WDR7: variants seen among roughly 807,000 people sequenced by gnomAD.
The protein encoded by WDR7 is WD repeat-containing protein 7.
A neutral mutation model predicts 169.4 loss-of-function variants in WDR7; 46 were observed. The ratio of observed to expected loss-of-function variants is 0.27; its 90% CI spans 0.21 to 0.35. The LOEUF (loss-of-function observed/expected upper bound fraction) is 0.35, where lower values mean the gene tolerates loss of function less well. Ranked by LOEUF, WDR7 falls within the 10% of genes least tolerant of loss-of-function variation. The pLI is 1.00. For missense variants in WDR7, 1,534 were observed against 1,859.3 expected, an observed-to-expected ratio of 0.83 and a Z score of 3.22; for synonymous variants, 612 against 666.8, an observed-to-expected ratio of 0.92 and a Z score of 1.27.
At chr18:56,776,548 A>G (rs1268503432) in intron 16 of WDR7, among the ~76,000 whole-genome samples, 1 of 152,158 alleles carries the variant, frequency 6.6e-6, no homozygotes, top group Admixed American at 6.5e-5. Context: ...TCAGAATATT[A>G]GATTTTGACT....
chr18:57,022,851 T>G (rs984082459), intron 27 of WDR7, among the ~76,000 whole-genome samples: 4 of 152,262 alleles, frequency 2.6e-5, no homozygotes, highest in Non-Finnish European at 5.9e-5. Context: ...TGCTGTTGAC[T>G]CTGGGCTTTG....
At chr18:56,812,074 T>C (rs2044878569) in intron 19 of WDR7, among the ~76,000 whole-genome samples, 1 of 152,206 alleles carries the variant, frequency 6.6e-6, no homozygotes, top group Non-Finnish European at 1.5e-5. Context: ...TCTTTCCTGT[T>C]TTGAATCTTC....
intron 21 of WDR7, among the ~76,000 whole-genome samples, chr18:56,884,614 C>T (rs1035049931): frequency 6.6e-6 from 1 of 152,194 alleles, no homozygotes; most frequent in African/African-American, 2.4e-5. Context: ...ACCACACTCC[C>T]ATCCCCCACC....
chr18:56,908,179 C>T (rs952952894), intron 21 of WDR7, among the ~76,000 whole-genome samples: 1 of 152,074 alleles, frequency 6.6e-6, no homozygotes, highest in African/African-American at 2.4e-5. Context: ...CCACAGACTT[C>T]GAGAGGAAGA....
At chr18:56,761,101 C>G (rs561747450) in intron 16 of WDR7, among the ~76,000 whole-genome samples, 1 of 152,306 alleles carries the variant, frequency 6.6e-6, no homozygotes, top group South Asian at 2.1e-4. Context: ...CCTCCACCTG[C>G]CAGGCTCAAG....
At chr18:56,803,319 T>A (rs1444688645) in intron 19 of WDR7, among the ~76,000 whole-genome samples, 5 of 152,222 alleles carry the variant, frequency 3.3e-5, no homozygotes. Context: ...CAGATTCTTG[T>A]GTATTTATTT....
intron 26 of WDR7, among the ~76,000 whole-genome samples, chr18:56,997,042 T>C (rs1399748365): frequency 2.6e-5 from 4 of 152,188 alleles, no homozygotes; most frequent in Admixed American, 6.5e-5. Context: ...ATCATATGAA[T>C]TTACTGTTAG....
At chr18:57,032,233 T>C (rs1287136623), downstream of WDR7, 1 of 144,636 alleles carries the variant, frequency 6.9e-6, no homozygotes, top group African/African-American at 2.9e-5. Flanking sequence ...GGGGTGACTT[T>C]GAGTTTCTTA....
chr18:56,879,855 C>A, intron 20 of WDR7, 89 bp from the exon 21 acceptor site: 1 of 1,048,214 alleles, frequency 9.5e-7, no homozygotes, highest in Non-Finnish European at 1.4e-6. Context: ...CTATTCTTTC[C>A]GAACGTGCAG....
intron 21 of WDR7, among the ~76,000 whole-genome samples, chr18:56,914,210 C>T (rs552658247): frequency 6.6e-6 from 1 of 152,216 alleles, no homozygotes; most frequent in Non-Finnish European, 1.5e-5. Flanking sequence ...CCCACAGATA[C>T]TCACACGATT....
intron 1 of WDR7, among the ~76,000 whole-genome samples, chr18:56,667,771 G>A (rs2025054671): frequency 6.6e-6 from 1 of 152,080 alleles, no homozygotes; most frequent in African/African-American, 2.4e-5. Context: ...TGAAAATCAA[G>A]TCTTATCTAT....
chr18:56,830,447 T>C lies in WDR7; in HGVS notation c.3304+14303T>C, dbSNP rs2045288446. Among the ~76,000 whole-genome samples, 2 of 152,176 alleles carry C rather than the reference T, an allele frequency of 1.3e-5. 1 individual carries two copies. The highest frequency in any genetic ancestry group is 4.8e-5 in the African/African-American group (2 of 41,452). ...TATTTTCTCATGATGAATTTATCAA[T>C]TGACTTAGGAATTAGGGAAGAGGAC... On this transcript the variant is annotated intron_variant, in intron 20 of 27. Transcript: ENST00000254442.
intron 16 of WDR7, among the ~76,000 whole-genome samples, chr18:56,772,020 C>T (rs1436499182): frequency 1.5e-5 from 2 of 135,932 alleles, no homozygotes; most frequent in African/African-American, 2.8e-5. Flanking sequence ...GTGATCACAC[C>T]ACTACACTCC....
intron 26 of WDR7, among the ~76,000 whole-genome samples, chr18:56,969,632 A>G (rs1333116685): frequency 3.3e-5 from 5 of 152,210 alleles, no homozygotes; most frequent in Non-Finnish European, 7.3e-5. Context: ...AAAATGCTGA[A>G]GACAGTCCAC....
chr18:56,864,501 A>G (rs2045854060), intron 20 of WDR7, among the ~76,000 whole-genome samples: 1 of 151,806 alleles, frequency 6.6e-6, no homozygotes, highest in Non-Finnish European at 1.5e-5. Flanking sequence ...GGAGAGGATT[A>G]GTATAATAGC....
intron 26 of WDR7, among the ~76,000 whole-genome samples, chr18:56,978,307 TA>T (rs2047595556): frequency 6.6e-6 from 1 of 152,214 alleles, no homozygotes; most frequent in African/African-American, 2.4e-5. Context: ...GACAATTTTT[TA>T]AAAAACCTGT....
At chr18:56,812,286 T>C (rs994151779) in intron 19 of WDR7, among the ~76,000 whole-genome samples, 1 of 152,246 alleles carries the variant, frequency 6.6e-6, no homozygotes, top group African/African-American at 2.4e-5. Flanking sequence ...TACTAACATA[T>C]AGAAATAGAA....
chr18:56,947,846 T>G (rs940800087), intron 25 of WDR7, among the ~76,000 whole-genome samples: 4 of 152,248 alleles, frequency 2.6e-5, no homozygotes, highest in Non-Finnish European at 5.9e-5. Context: ...ATGCTTGTTT[T>G]TTATTTGGCA....
intron 2 of WDR7, among the ~76,000 whole-genome samples, chr18:56,673,472 C>T (rs1010419962): frequency 2.6e-5 from 4 of 152,082 alleles, no homozygotes; most frequent in African/African-American, 9.7e-5. Flanking sequence ...CATAAAGTTG[C>T]GCGGCCATTA....
Sources: gnomAD v4.1 joint callset for allele counts (sites outside exome capture counted in the v4.1 genomes callset) on GRCh38, gnomAD v4.1.1 for gene constraint, MANE v1.5 for transcripts, NCBI Gene and HGNC (gene_info 2026-07-23, HGNC 2026-07-21) for gene names.